The following COL28A1 variants were observed in gnomAD, a reference collection of about 807,000 sequenced individuals.
COL28A1 encodes the protein collagen alpha-1(XXVIII) chain.
A neutral mutation model predicts 150.2 loss-of-function variants in COL28A1; 161 were observed. The observed-to-expected ratio is 1.07, with a 90% confidence interval of 0.94 to 1.22. The LOEUF is 1.22. Ranked by LOEUF, COL28A1 falls within the 50% of genes most tolerant of loss-of-function variation. The probability of loss-of-function intolerance (pLI) is 0.00; values close to 1 mark genes in which losing one functional copy is unlikely to be tolerated. For missense variants in COL28A1, 1,617 were observed against 1,388.3 expected (o/e 1.16, Z -2.62); for synonymous variants, 552 against 469.7 (o/e 1.18, Z -2.26).
chr7:7,343,921 T>A, the COL28A1 span, among the ~76,000 whole-genome samples: 1 of 151,918 alleles, frequency 6.6e-6, no homozygotes. Context: ...GGTGGGAGGA[T>A]AGCTTGAGCC....
At chr7:7,414,323 C>G (rs1783948364) in intron 27 of COL28A1, among the ~76,000 whole-genome samples, 1 of 152,200 alleles carries the variant, frequency 6.6e-6, no homozygotes, top group South Asian at 2.1e-4. Context: ...ACTTCCTGGC[C>G]TGTGACATGA....
At chr7:7,453,135 A>G (rs541000105) in intron 17 of COL28A1, among the ~76,000 whole-genome samples, 15 of 152,344 alleles carry the variant, frequency 9.8e-5, no homozygotes, top group South Asian at 8.3e-4. Context: ...GCCAACCTAG[A>G]GAGACACATA....
intron 20 of COL28A1, 75 bp from the exon 21 acceptor site, chr7:7,440,936 C>T (rs1056098340): frequency 5.4e-5 from 41 of 752,924 alleles, no homozygotes; most frequent in Admixed American, 1.2e-4. Context: ...AGGACCATAG[C>T]GGAGCCGGAT....
intron 30 of COL28A1, among the ~76,000 whole-genome samples, chr7:7,380,371 C>CTCA (rs1276829046): frequency 2.6e-5 from 4 of 152,098 alleles, no homozygotes; most frequent in African/African-American, 4.8e-5. Flanking sequence ...TTTGAAACAG[C>CTCA]TCACCTCCTT....
At chr7:7,507,233 G>A (rs1352653786) in intron 9 of COL28A1, 72 bp from the exon 10 acceptor site, 1 of 757,620 alleles carries the variant, frequency 1.3e-6, no homozygotes, top group Non-Finnish European at 2.3e-6. Flanking sequence ...AGGTAGGAGG[G>A]AAGGAAATGT....
chr7:7,472,890 T>G (rs55980077), intron 15 of COL28A1, among the ~76,000 whole-genome samples: 21,751 of 152,146 alleles, frequency 0.14, 1,684 homozygotes, highest in Middle Eastern at 0.22. Flanking sequence ...CCAACTGATC[T>G]TTGACAAAGC....
At chr7:7,481,387 A>G (rs1170706174) in intron 13 of COL28A1, among the ~76,000 whole-genome samples, 1 of 152,228 alleles carries the variant, frequency 6.6e-6, no homozygotes, top group African/African-American at 2.4e-5. Context: ...TTAAACACTC[A>G]GCATGGACGA....
chr7:7,435,707 T>C (rs1341656850), intron 23 of COL28A1, among the ~76,000 whole-genome samples: 4 of 152,348 alleles, frequency 2.6e-5, no homozygotes, highest in Non-Finnish European at 5.9e-5. Context: ...AGTTTAGTAC[T>C]TGAACCCTTT....
chr7:7,389,396 G>C (rs548081964), intron 27 of COL28A1, among the ~76,000 whole-genome samples: 11 of 152,256 alleles, frequency 7.2e-5, no homozygotes, highest in African/African-American at 2.2e-4. Flanking sequence ...TTGGGTTACT[G>C]TAGCCTCATT....
chr7:7,482,400 C>T (rs1269929987), intron 13 of COL28A1, among the ~76,000 whole-genome samples: 1 of 151,912 alleles, frequency 6.6e-6, no homozygotes, highest in Non-Finnish European at 1.5e-5. Context: ...TGGCTGGAGC[C>T]TACAGTCCCA....
At chr7:7,349,896 G>A in the COL28A1 span, among the ~76,000 whole-genome samples, 2 of 152,018 alleles carry the variant, frequency 1.3e-5, no homozygotes, top group African/African-American at 4.8e-5. Flanking sequence ...AATTCCAAAG[G>A]GAAATGAATA....
chr7:7,376,862 T>C (rs1302544605), intron 30 of COL28A1, among the ~76,000 whole-genome samples: 2 of 152,172 alleles, frequency 1.3e-5, no homozygotes, highest in Non-Finnish European at 2.9e-5. Context: ...CGATACACAC[T>C]CTCACACTGT....
At chr7:7,489,125 G>T (rs1395387963) in intron 13 of COL28A1, among the ~76,000 whole-genome samples, 1 of 152,092 alleles carries the variant, frequency 6.6e-6, no homozygotes, top group Non-Finnish European at 1.5e-5. Flanking sequence ...AAAAACATTA[G>T]CTGGGCCTGG....
At chr7:7,402,178 C>T (rs1016392829) in intron 27 of COL28A1, among the ~76,000 whole-genome samples, 1 of 152,226 alleles carries the variant, frequency 6.6e-6, no homozygotes, top group Non-Finnish European at 1.5e-5. Flanking sequence ...CTGTTTTGCA[C>T]ATTGACTGAG....
At chr7:7,496,466 T>G (rs1354308374) in intron 11 of COL28A1, among the ~76,000 whole-genome samples, 1 of 152,226 alleles carries the variant, frequency 6.6e-6, no homozygotes, top group Non-Finnish European at 1.5e-5. Context: ...GGTTTTCAAC[T>G]AGGAGCAACT....
chr7:7,508,507 A>G (rs1211472583), intron 9 of COL28A1, among the ~76,000 whole-genome samples: 7 of 152,240 alleles, frequency 4.6e-5, no homozygotes, highest in Non-Finnish European at 1.0e-4. Context: ...AAATAAAGAG[A>G]GAGAAACTTC....
chr7:7,507,153 TG>T lies in COL28A1; in HGVS notation c.935del (p.Pro312GlnfsTer126). On this transcript the variant is annotated frameshift_variant, in exon 10 of 35. Transcript: ENST00000399429. LOFTEE classifies it high-confidence loss of function. Reference sequence around the variant, plus strand: ...TGGGTCCCTTTGGTCCATATGGCCCTGGGGATCCCTGTGGAATAAAATTGAA... The same window carrying T: ...TGGGTCCCTTTGGTCCATATGGCCCTGGGATCCCTGTGGAATAAAATTGAA... ...KPGIKGDKGS[P>X]GPYGPKGPRG... 4.9e-6 allele frequency: 6 copies of T among 1,232,970 alleles called. No individual in the cohort carries two copies. The highest frequency in any genetic ancestry group is 7.2e-6 in the Non-Finnish European group (6 of 835,032). 76.4% of individuals were successfully genotyped at this position (1,232,970 alleles called of 1,614,324 possible).
chr7:7,531,009 C>A (rs1376871624), intron 3 of COL28A1, among the ~76,000 whole-genome samples: 6 of 152,108 alleles, frequency 3.9e-5, no homozygotes, highest in Admixed American at 6.5e-5. Flanking sequence ...TCAAGTTGAG[C>A]ACAACCTGAA....
At chr7:7,497,133 A>AAG (rs1780263368) in intron 11 of COL28A1, among the ~76,000 whole-genome samples, 1 of 112,584 alleles carries the variant, frequency 8.9e-6, no homozygotes, top group Non-Finnish European at 2.1e-5. Flanking sequence ...AAGGAAGGAA[A>AAG]GAAGGATCAA....
Sources: allele counts gnomAD v4.1 joint callset (sites outside exome capture counted in the v4.1 genomes callset), GRCh38; gene constraint gnomAD v4.1.1; transcripts MANE v1.5; gene names NCBI Gene and HGNC (gene_info 2026-07-23, HGNC 2026-07-21).